SEMA6D: variants seen among roughly 807,000 people sequenced by gnomAD.
SEMA6D encodes semaphorin-6D.
In SEMA6D, 35 loss-of-function variants were observed where a neutral mutation model predicts 106.6. The observed-to-expected ratio is 0.33, with a 90% CI of 0.25 to 0.44. SEMA6D has a LOEUF of 0.44. Ranked by LOEUF, SEMA6D falls within the 20% of genes least tolerant of loss-of-function variation. The probability of loss-of-function intolerance (pLI) is 1.00; values close to 1 mark genes in which losing one functional copy is unlikely to be tolerated. For missense variants in SEMA6D, 1,185 were observed against 1,345.9 expected (o/e 0.88, Z 1.87); for synonymous variants, 499 against 487.7 (o/e 1.02, Z -0.31).
chr15:47,371,788 G>A (rs1026923508), intron 1 of SEMA6D, among the ~76,000 whole-genome samples: 12 of 152,130 alleles, frequency 7.9e-5, no homozygotes, highest in Admixed American at 2.0e-4. Context: ...TTTTGCATTT[G>A]ATGATGATGA....
chr15:47,231,415 A>G (rs1261280672), intron 1 of SEMA6D, among the ~76,000 whole-genome samples: 1 of 151,874 alleles, frequency 6.6e-6, no homozygotes, highest in East Asian at 1.9e-4. Context: ...GATCTCTGCT[A>G]TTACTTGCTA....
intron 3 of SEMA6D, among the ~76,000 whole-genome samples, chr15:47,505,861 T>C (rs2044021074): frequency 6.6e-6 from 1 of 152,044 alleles, no homozygotes; most frequent in East Asian, 1.9e-4. Context: ...TAACACGCTG[T>C]GGAGAGCCAG....
At chr15:47,499,403 G>T (rs1157433440) in intron 3 of SEMA6D, among the ~76,000 whole-genome samples, 1 of 151,970 alleles carries the variant, frequency 6.6e-6, no homozygotes, top group Non-Finnish European at 1.5e-5. Context: ...CCAGCCCCAA[G>T]ATTTATGTTA....
At chr15:47,204,314 A>G (rs1051290285) in intron 1 of SEMA6D, among the ~76,000 whole-genome samples, 5 of 152,178 alleles carry the variant, frequency 3.3e-5, no homozygotes, top group African/African-American at 1.2e-4. Context: ...TTCTGTCTCA[A>G]AAAATAAATA....
At chr15:47,467,936 A>T (rs943336856) in intron 2 of SEMA6D, among the ~76,000 whole-genome samples, 1 of 152,118 alleles carries the variant, frequency 6.6e-6, no homozygotes, top group Non-Finnish European at 1.5e-5. Context: ...CATCTGTAGC[A>T]TAAAAATTAT....
At chr15:47,610,609 A>G (rs888037024) in intron 4 of SEMA6D, among the ~76,000 whole-genome samples, 5 of 152,176 alleles carry the variant, frequency 3.3e-5, no homozygotes, top group African/African-American at 9.7e-5. Flanking sequence ...TGAAGAAATC[A>G]CTTTCATCAT....
intron 1 of SEMA6D, among the ~76,000 whole-genome samples, chr15:47,231,850 C>G (rs2032217151): frequency 6.6e-6 from 1 of 151,928 alleles, no homozygotes; most frequent in African/African-American, 2.4e-5. Flanking sequence ...ACATAAAATT[C>G]ACATAACATA....
At chr15:47,340,767 G>T (rs910006515) in intron 1 of SEMA6D, among the ~76,000 whole-genome samples, 1 of 152,096 alleles carries the variant, frequency 6.6e-6, no homozygotes, top group Non-Finnish European at 1.5e-5. Context: ...GAGTAGGAAA[G>T]TACTGATTCG....
At chr15:47,221,575 T>TA (rs1181268912) in intron 1 of SEMA6D, among the ~76,000 whole-genome samples, 5 of 152,068 alleles carry the variant, frequency 3.3e-5, no homozygotes, top group Non-Finnish European at 7.4e-5. Context: ...CTTGTGTAGT[T>TA]AAAAAAAATT....
chr15:47,762,957 G>A, intron 8 of SEMA6D, 59 bp from the exon 9 acceptor site: 1 of 1,254,318 alleles, frequency 8.0e-7, no homozygotes, highest in Non-Finnish European at 1.1e-6. Context: ...TTGCAGTCGG[G>A]GTCTTATGCT....
intron 4 of SEMA6D, among the ~76,000 whole-genome samples, chr15:47,692,345 A>T (rs184434611): frequency 1.9e-4 from 29 of 152,210 alleles, no homozygotes; most frequent in Admixed American, 7.9e-4. Context: ...TCTACTGTGA[A>T]CATATCAGAA....
At chr15:47,343,231 G>A (rs949503192) in intron 1 of SEMA6D, among the ~76,000 whole-genome samples, 2 of 123,190 alleles carry the variant, frequency 1.6e-5, no homozygotes, top group African/African-American at 4.1e-5. Flanking sequence ...TTAAAAAAAC[G>A]ATGGATTAGT....
intron 3 of SEMA6D, among the ~76,000 whole-genome samples, chr15:47,506,886 G>A (rs1302163051): frequency 6.6e-6 from 1 of 152,134 alleles, no homozygotes; most frequent in African/African-American, 2.4e-5. Flanking sequence ...AACAACAATA[G>A]CTACACTCAT....
In SEMA6D at chr15:47,223,719, T is replaced by C. The variant is rs554414830; in HGVS notation, c.-239+39301T>C. 2.0e-5 allele frequency among the ~76,000 whole-genome samples: 3 copies of C among 152,166 alleles called. No individual in the cohort carries two copies. In the South Asian group the frequency reaches 6.2e-4, roughly 32 times the overall value. ...GTCATCACTAACTTTATCATAAAGC[T>C]CAAATTCGGTCTGGTAAGTAAAACT... On this transcript the variant is annotated intron_variant, in intron 1 of 19. Coordinates refer to the SEMA6D transcript ENST00000558014.
chr15:47,637,470 T>C (rs1002780724), intron 4 of SEMA6D, among the ~76,000 whole-genome samples: 1 of 152,146 alleles, frequency 6.6e-6, no homozygotes, highest in African/African-American at 2.4e-5. Context: ...ATACACTTTT[T>C]TTCTAGCGTA....
chr15:47,728,501 C>T (rs531094271), intron 1 of SEMA6D, among the ~76,000 whole-genome samples: 2 of 152,308 alleles, frequency 1.3e-5, no homozygotes, highest in South Asian at 2.1e-4. Context: ...ATCTAATGCT[C>T]ATATCAGCCT....
intron 3 of SEMA6D, among the ~76,000 whole-genome samples, chr15:47,482,996 C>T (rs374923079): frequency 9.2e-5 from 14 of 151,954 alleles, no homozygotes; most frequent in African/African-American, 2.2e-4. Context: ...CTTGTTGGTG[C>T]GTGAATTCTA....
intron 4 of SEMA6D, among the ~76,000 whole-genome samples, chr15:47,711,401 G>A (rs1360271650): frequency 1.3e-5 from 2 of 151,956 alleles, no homozygotes; most frequent in Admixed American, 6.6e-5. Context: ...AGGGGTTTGG[G>A]AACCAGAACT....
intron 1 of SEMA6D, among the ~76,000 whole-genome samples, chr15:47,203,713 C>T (rs1020469738): frequency 6.6e-6 from 1 of 152,152 alleles, no homozygotes; most frequent in Non-Finnish European, 1.5e-5. Flanking sequence ...TCAACCTTGA[C>T]CCTTTATGAT....
Sources: allele counts gnomAD v4.1 joint callset (sites outside exome capture counted in the v4.1 genomes callset), GRCh38; gene constraint gnomAD v4.1.1; transcripts MANE v1.5; gene names NCBI Gene and HGNC (gene_info 2026-07-23, HGNC 2026-07-21).